Variants in DPP10 observed in about 807,000 individuals in gnomAD.
DPP10 encodes the protein dipeptidyl peptidase like 10.
In DPP10, 33 loss-of-function variants were observed where a neutral mutation model predicts 120.9. The ratio of observed to expected loss-of-function variants is 0.27; its 90% CI spans 0.21 to 0.37. The LOEUF (loss-of-function observed/expected upper bound fraction) is 0.37. Among genes scored for constraint, DPP10 ranks in the 10% least tolerant of loss-of-function variants. The probability of loss-of-function intolerance (pLI) is 1.00; values close to 1 mark genes in which losing one functional copy is unlikely to be tolerated. For synonymous variants in DPP10, 337 were observed against 326.1 expected, an observed-to-expected ratio of 1.03 and a Z score of -0.36; for missense variants, 816 against 942.8, an observed-to-expected ratio of 0.87 and a Z score of 1.76.
intron 5 of DPP10, among the ~76,000 whole-genome samples, chr2:115,656,579 A>G (rs1176742347): frequency 2.6e-5 from 4 of 151,682 alleles, no homozygotes; most frequent in Admixed American, 1.3e-4. Context: ...TTAAGTTTGT[A>G]TTTCAATATT....
chr2:115,469,884 G>GAAAAA (rs1212190142), intron 3 of DPP10, among the ~76,000 whole-genome samples: 3 of 75,556 alleles, frequency 4.0e-5, no homozygotes, highest in Non-Finnish European at 8.4e-5. Flanking sequence ...GGCAACAAGA[G>GAAAAA]AAAAAAAAAA....
intron 3 of DPP10, among the ~76,000 whole-genome samples, chr2:115,420,941 G>A (rs914261390): frequency 6.6e-6 from 1 of 152,182 alleles, no homozygotes; most frequent in African/African-American, 2.4e-5. Flanking sequence ...AGTAGATGGG[G>A]ATAGAATCTA....
intron 16 of DPP10, 81 bp from the exon 17 acceptor site, chr2:115,782,271 A>C: frequency 1.9e-6 from 1 of 533,016 alleles, no homozygotes; most frequent in East Asian, 5.9e-5. Context: ...ATTTGGGGGG[A>C]AAAAACTATT....
chr2:115,779,953 G>T (rs539314491), intron 15 of DPP10, among the ~76,000 whole-genome samples: 2 of 152,002 alleles, frequency 1.3e-5, no homozygotes, highest in Non-Finnish European at 2.9e-5. Context: ...TCTTGTAGCT[G>T]CCTTAACACC....
chr2:115,006,663 G>C (rs1248056016), intron 1 of DPP10, among the ~76,000 whole-genome samples: 2 of 150,384 alleles, frequency 1.3e-5, no homozygotes, highest in Non-Finnish European at 3.0e-5. Flanking sequence ...AACAAGAAGA[G>C]CTAACTATCC....
chr2:114,780,545 G>A (rs1239500368), intron 1 of DPP10, among the ~76,000 whole-genome samples: 1 of 151,926 alleles, frequency 6.6e-6, no homozygotes, highest in Non-Finnish European at 1.5e-5. Flanking sequence ...TTATTTATTT[G>A]TTATCACTAA....
At chr2:114,712,479 G>A (rs949152154) in intron 1 of DPP10, among the ~76,000 whole-genome samples, 8 of 152,138 alleles carry the variant, frequency 5.3e-5, no homozygotes, top group African/African-American at 1.9e-4. Flanking sequence ...TAGACATGAG[G>A]TAGGACTCCT....
intron 1 of DPP10, among the ~76,000 whole-genome samples, chr2:115,258,945 T>C (rs1435954833): frequency 6.6e-6 from 1 of 152,186 alleles, no homozygotes; most frequent in Non-Finnish European, 1.5e-5. Context: ...CCAATGAAGA[T>C]TGAGTTCAGC....
intron 7 of DPP10, among the ~76,000 whole-genome samples, chr2:115,701,779 C>T (rs2091899610): frequency 6.6e-6 from 1 of 151,824 alleles, no homozygotes. Flanking sequence ...AAAAAGAAAG[C>T]AACCTGATTA....
chr2:114,735,650 A>G (rs1396734097), intron 1 of DPP10, among the ~76,000 whole-genome samples: 3 of 152,160 alleles, frequency 2.0e-5, no homozygotes, highest in Non-Finnish European at 4.4e-5. Context: ...GAGGTGAAAT[A>G]TCTTGGCTCT....
intron 1 of DPP10, among the ~76,000 whole-genome samples, chr2:115,303,393 C>T (rs982376468): frequency 1.3e-5 from 2 of 151,534 alleles, no homozygotes; most frequent in Non-Finnish European, 2.9e-5. Context: ...TTATTTTTTC[C>T]AGAAGGAAAA....
At chr2:114,503,416 T>TATG (rs1388256606) in intron 1 of DPP10, among the ~76,000 whole-genome samples, 1 of 152,212 alleles carries the variant, frequency 6.6e-6, no homozygotes, top group Non-Finnish European at 1.5e-5. Context: ...GATTATAATT[T>TATG]ATGTCATTTC....
chr2:114,836,686 G>T (rs1052242185), intron 1 of DPP10, among the ~76,000 whole-genome samples: 2 of 152,030 alleles, frequency 1.3e-5, no homozygotes, highest in Non-Finnish European at 2.9e-5. Flanking sequence ...GCAGACAACC[G>T]GTCTGACCAA....
At chr2:115,596,094 A>T (rs1459675606) in intron 5 of DPP10, among the ~76,000 whole-genome samples, 2 of 152,150 alleles carry the variant, frequency 1.3e-5, no homozygotes, top group Non-Finnish European at 2.9e-5. Flanking sequence ...CTAGGCCAAG[A>T]AGAACTCATG....
intron 1 of DPP10, among the ~76,000 whole-genome samples, chr2:114,839,840 A>C (rs1688017124): frequency 6.6e-6 from 1 of 152,212 alleles, no homozygotes; most frequent in South Asian, 2.1e-4. Context: ...TCGTTAATCT[A>C]AGAAGACTCA....
intron 1 of DPP10, among the ~76,000 whole-genome samples, chr2:115,070,731 A>C (rs1389383225): frequency 3.9e-5 from 6 of 152,204 alleles, no homozygotes; most frequent in Non-Finnish European, 8.8e-5. Context: ...TTATAAATAT[A>C]AGTAAGTGTA....
At chr2:115,673,027 G>GTACATTTCTTAATTCCTCACTC (rs2090026477) in intron 5 of DPP10, among the ~76,000 whole-genome samples, 1 of 152,102 alleles carries the variant, frequency 6.6e-6, no homozygotes, top group East Asian at 1.9e-4. Context: ...GGGATTACAG[G>GTACATTTCTTAATTCCTCACTC]TGTAAGCCAC....
At chr2:115,204,935 T>C (rs2056017250) in intron 1 of DPP10, among the ~76,000 whole-genome samples, 1 of 152,194 alleles carries the variant, frequency 6.6e-6, no homozygotes, top group Non-Finnish European at 1.5e-5. Flanking sequence ...CATTTTTTAA[T>C]GGGGTTGCCT....
At chr2:115,264,139 TA>T (rs967239827) in intron 1 of DPP10, among the ~76,000 whole-genome samples, 4 of 152,250 alleles carry the variant, frequency 2.6e-5, no homozygotes, top group African/African-American at 9.6e-5. Flanking sequence ...ATCTGTGACA[TA>T]TTTTTTAGTA....
Sources: allele counts gnomAD v4.1 joint callset (sites outside exome capture counted in the v4.1 genomes callset), GRCh38; gene constraint gnomAD v4.1.1; transcripts MANE v1.5; gene names NCBI Gene and HGNC (gene_info 2026-07-23, HGNC 2026-07-21).